TRAPPC8: variants seen among roughly 807,000 people sequenced by gnomAD.
TRAPPC8 encodes trafficking protein particle complex subunit 8, also known as general sporulation gene 1 homolog.
A neutral mutation model predicts 174.3 loss-of-function variants in TRAPPC8; 54 were observed. The observed-to-expected ratio is 0.31, with a 90% CI of 0.25 to 0.39. The LOEUF (loss-of-function observed/expected upper bound fraction) is 0.39, where lower values mean the gene tolerates loss of function less well. Ranked by LOEUF, TRAPPC8 falls within the 10% of genes least tolerant of loss-of-function variation. The pLI, the probability that TRAPPC8 is intolerant of heterozygous loss-of-function variation, is 1.00. For missense variants in TRAPPC8, 1,531 were observed against 1,699.1 expected, an observed-to-expected ratio of 0.90 and a Z score of 1.74; for synonymous variants, 630 against 579.9, an observed-to-expected ratio of 1.09 and a Z score of -1.24.
In TRAPPC8 at chr18:31,939,041, G is replaced by C. The variant is rs9965666; in HGVS notation, c.157+3567C>G. On this transcript the variant is annotated intron_variant, in intron 1 of 28. Coordinates refer to ENST00000283351, the MANE Select transcript of TRAPPC8 (RefSeq NM_014939.5). ...CTTGCAGTGAGCCAAGATCTATCTC[G>C]CCGCTGCACTCCAGCCTGGTGACAG... is the stretch of plus-strand genomic sequence containing the variant. Among the ~76,000 whole-genome samples, 5 of 130,546 alleles carry C rather than the reference G, an allele frequency of 3.8e-5. No homozygotes were observed. The Admixed American group carries it at 4.0e-4, about 10-fold the overall frequency. The allele number at this position is 130,546 out of a possible 152,430, so 85.6% of individuals were successfully genotyped here.
chr18:31,884,066 G>A (rs2035586321), intron 12 of TRAPPC8, among the ~76,000 whole-genome samples: 1 of 152,138 alleles, frequency 6.6e-6, no homozygotes, highest in African/African-American at 2.4e-5. Flanking sequence ...GCAGACACCT[G>A]TAATCCCAGC....
intron 2 of TRAPPC8, among the ~76,000 whole-genome samples, chr18:31,921,156 C>T (rs1664330100): frequency 6.6e-6 from 1 of 151,974 alleles, no homozygotes. Flanking sequence ...GAAAAGTATG[C>T]ATTTTTGTGC....
At chr18:31,865,897 T>C (rs368586966) in intron 18 of TRAPPC8, among the ~76,000 whole-genome samples, 2 of 151,968 alleles carry the variant, frequency 1.3e-5, no homozygotes, top group East Asian at 1.9e-4. Context: ...AAATGCAGAA[T>C]ACCTTACTCA....
intron 10 of TRAPPC8, among the ~76,000 whole-genome samples, chr18:31,898,311 GAAGAA>G (rs1431375530): frequency 8.5e-5 from 13 of 152,152 alleles, no homozygotes; most frequent in South Asian, 2.1e-4. Flanking sequence ...ACTGTAAAAA[GAAGAA>G]AAGAAGTCTA....
intron 25 of TRAPPC8, 71 bp from the exon 26 acceptor site, chr18:31,846,888 G>T: frequency 9.3e-7 from 1 of 1,077,764 alleles, no homozygotes; most frequent in Non-Finnish European, 1.4e-6. Context: ...CCCAATACTT[G>T]ATAGAAAGTG....
intron 16 of TRAPPC8, among the ~76,000 whole-genome samples, chr18:31,867,895 A>G (rs2034665561): frequency 6.6e-6 from 1 of 152,154 alleles, no homozygotes. Flanking sequence ...GGAGCATATC[A>G]AAGATACCGC....
intron 1 of TRAPPC8, among the ~76,000 whole-genome samples, chr18:31,935,475 G>GA (rs1178217732): frequency 6.8e-6 from 1 of 146,616 alleles, no homozygotes; most frequent in Admixed American, 7.0e-5. Flanking sequence ...TTGAACCTGG[G>GA]AGGTGGAGGT....
At chr18:31,886,162 T>C (rs886574128) in intron 12 of TRAPPC8, among the ~76,000 whole-genome samples, 22 of 151,380 alleles carry the variant, frequency 1.5e-4, no homozygotes, top group Non-Finnish European at 2.8e-4. Flanking sequence ...TGCGCCACCA[T>C]GCCTGGCTAA....
intron 18 of TRAPPC8, among the ~76,000 whole-genome samples, chr18:31,865,659 C>A (rs2034550824): frequency 6.6e-6 from 1 of 151,584 alleles, no homozygotes; most frequent in African/African-American, 2.4e-5. Context: ...AAAACAACTA[C>A]CTATATTTTA....
intron 26 of TRAPPC8, among the ~76,000 whole-genome samples, chr18:31,843,882 G>C (rs976682371): frequency 1.3e-5 from 2 of 152,080 alleles, no homozygotes; most frequent in African/African-American, 4.8e-5. Flanking sequence ...AAATATTATA[G>C]CTGTACTTAT....
At chr18:31,877,923 CAA>C (rs147914322) in intron 12 of TRAPPC8, among the ~76,000 whole-genome samples, 25 of 74,612 alleles carry the variant, frequency 3.4e-4, no homozygotes, top group Non-Finnish European at 4.1e-4. Context: ...AACTCTGTCT[CAA>C]AAAAAAAAAA....
chr18:31,898,331 C>T (rs1376614570), intron 10 of TRAPPC8, among the ~76,000 whole-genome samples: 2 of 152,062 alleles, frequency 1.3e-5, no homozygotes, highest in African/African-American at 4.8e-5. Context: ...AGTCTATGTC[C>T]TTGTTTTGCA....
At chr18:31,855,903 C>A in intron 20 of TRAPPC8, 96 bp from the exon 21 acceptor site, 1 of 1,319,376 alleles carries the variant, frequency 7.6e-7, no homozygotes, top group South Asian at 1.5e-5. Context: ...ACTGATCACT[C>A]TCAGGACCAT....
chr18:31,853,987 A>G, intron 21 of TRAPPC8, 42 bp from the exon 22 acceptor site: 1 of 1,442,966 alleles, frequency 6.9e-7, no homozygotes, highest in Non-Finnish European at 9.6e-7. Flanking sequence ...ATTTAGAAGC[A>G]CTAAATCAGA....
At position 31,942,671 on chromosome 18, in the gene TRAPPC8, T is replaced by C; in HGVS notation, c.94A>G (p.Thr32Ala). 6.2e-7 allele frequency: 1 copy of C among 1,611,058 alleles called. No individual in the cohort carries two copies. The highest frequency in any genetic ancestry group is 2.2e-5 in the East Asian group (1 of 44,706). The change falls in exon 1 of 29, where the codon ACT becomes GCT. Residue 32 changes from threonine (T) to alanine (A), a missense_variant. Transcript: ENST00000283351. ...GCGAAGCTGAGGTGATTGAGACGAG[T>C]GAGCCGCTCGGCTTCGTCGCTGCAC... ...ALCSDEAERLTRLNHLSFAEL... is the reference protein window; with the variant it reads ...ALCSDEAERLARLNHLSFAEL...
intron 19 of TRAPPC8, among the ~76,000 whole-genome samples, chr18:31,860,492 C>T (rs1481499552): frequency 6.6e-6 from 1 of 152,154 alleles, no homozygotes; most frequent in East Asian, 1.9e-4. Flanking sequence ...CAATGAGCTA[C>T]AGTAACTTTC....
intron 7 of TRAPPC8, 138 bp from the exon 8 acceptor site, chr18:31,908,556 C>A: frequency 2.3e-6 from 2 of 854,044 alleles, no homozygotes; most frequent in South Asian, 2.3e-5. Context: ...GTCCAATATG[C>A]TGGCAAAATC....
chr18:31,850,885 T>C (rs2033671264), intron 24 of TRAPPC8, among the ~76,000 whole-genome samples: 1 of 152,268 alleles, frequency 6.6e-6, no homozygotes, highest in East Asian at 1.9e-4. Flanking sequence ...CTGATGTTTC[T>C]GGGATTTTAA....
At position 31,897,831 on chromosome 18, in the gene TRAPPC8, G is replaced by C; in HGVS notation, c.1551C>G (p.Ser517Arg). Residue 517 changes from serine to arginine, a missense_variant, in exon 11 of 29, where the codon AGC becomes AGG. By Grantham distance (110) the Ser-to-Arg change is moderately radical. Transcript: ENST00000283351. ...LLSAELLKSQ[S>R]KYSEAAALLI... ...GGAGAGCTGCAGCCTCTGAATATTT[G>C]CTTTGGCTTTTTAAAAGTTCAGCAC... 3.1e-6 allele frequency: 5 copies of C among 1,611,414 alleles called. No individual in the cohort carries two copies. Among genetic ancestry groups the C allele is most frequent in the Non-Finnish European group, 3.4e-6 (4 of 1,178,374 alleles).
Sources: gnomAD v4.1 joint callset for allele counts (sites outside exome capture counted in the v4.1 genomes callset) on GRCh38, gnomAD v4.1.1 for gene constraint, MANE v1.5 for transcripts, NCBI Gene and HGNC (gene_info 2026-07-23, HGNC 2026-07-21) for gene names.